The following GYG1 variants were observed in gnomAD, a reference collection of about 807,000 sequenced individuals.
GYG1 encodes glycogenin 1, also known as glycogenin-1.
In GYG1, 44 loss-of-function variants were observed where a neutral mutation model predicts 41.9. That is an observed-to-expected ratio of 1.05 (90% CI 0.83 to 1.35). The LOEUF (loss-of-function observed/expected upper bound fraction) is 1.35. GYG1 is among the 40% of genes most tolerant of loss of function. The probability of loss-of-function intolerance (pLI) is 0.00; values close to 1 mark genes in which losing one functional copy is unlikely to be tolerated. For missense variants in GYG1, 429 were observed against 418.9 expected (o/e 1.02, Z -0.21); for synonymous variants, 141 against 158.1 (o/e 0.89, Z 0.81).
chr3:149,018,787 G>C (rs1412620651), intron 5 of GYG1, among the ~76,000 whole-genome samples: 1 of 152,092 alleles, frequency 6.6e-6, no homozygotes, highest in Non-Finnish European at 1.5e-5. Context: ...GTCAGGCCGG[G>C]CCCGTAATGT....
intron 4 of GYG1, among the ~76,000 whole-genome samples, chr3:148,998,916 G>A (rs1712952398): frequency 6.6e-6 from 1 of 152,178 alleles, no homozygotes; most frequent in South Asian, 2.1e-4. Flanking sequence ...GAAATTCGGT[G>A]TAACTCTTTT....
intron 5 of GYG1, among the ~76,000 whole-genome samples, chr3:149,021,569 A>G (rs1714376458): frequency 6.6e-6 from 1 of 152,168 alleles, no homozygotes; most frequent in Non-Finnish European, 1.5e-5. Flanking sequence ...CCTTAGAGGT[A>G]AAACCATGTC....
Position 148,992,736 on chromosome 3 carries a change from A to G in GYG1, c.7+1089A>G, listed in dbSNP as rs190061238. On this transcript the variant is annotated intron_variant, in intron 1 of 7. Coordinates refer to ENST00000345003, the MANE Select transcript of GYG1 (RefSeq NM_004130.4). ...ACAGGCGGATGTTGATGGGCCTGTC[A>G]AGGGACAGGTGCCACTGTTCAGAGC... 71 of 152,364 alleles carry G rather than the reference A, an allele frequency of 4.7e-4. 1 individual carries two copies. The East Asian group carries it at 8.3e-3, about 18-fold the overall frequency. The allele number at this position is 152,364 out of a possible 1,614,324, so 9.4% of individuals were successfully genotyped here.
At chr3:149,015,821 T>C (rs1455577743) in intron 5 of GYG1, among the ~76,000 whole-genome samples, 1 of 152,000 alleles carries the variant, frequency 6.6e-6, no homozygotes, top group African/African-American at 2.4e-5. Context: ...TAAAGATAGA[T>C]GTCACCACAG....
chr3:149,005,694 C>G (rs1233427248), intron 4 of GYG1, among the ~76,000 whole-genome samples: 1 of 152,172 alleles, frequency 6.6e-6, no homozygotes, highest in Non-Finnish European at 1.5e-5. Context: ...AATCTCTGTT[C>G]TTGTGGAATT....
chr3:149,000,730 T>G (rs1204293234), intron 4 of GYG1, among the ~76,000 whole-genome samples: 1 of 152,238 alleles, frequency 6.6e-6, no homozygotes, highest in Non-Finnish European at 1.5e-5. Context: ...AAAAACATCT[T>G]ATACTCATTT....
chr3:149,022,481 CT>C (rs1233728338), intron 5 of GYG1, among the ~76,000 whole-genome samples: 4 of 92,492 alleles, frequency 4.3e-5, no homozygotes, highest in East Asian at 3.4e-4. Flanking sequence ...TAAACAGTAC[CT>C]TTTTTCTTGT....
Position 149,009,323 on chromosome 3 carries a change from A to G in GYG1, c.529A>G (p.Thr177Ala), listed in dbSNP as rs767717284. 3.1e-6 allele frequency: 5 copies of G among 1,613,268 alleles called. No homozygotes were observed. In the South Asian group the frequency reaches 4.4e-5, roughly 14 times the overall value. ...LNTFFSSWATTDIRKHLPFIY... is the reference protein window; with the variant it reads ...LNTFFSSWATADIRKHLPFIY... Reference sequence around the variant, plus strand: ...CACATTTTTTAGCAGCTGGGCAACAACAGATATCAGAAAACACCTGCCGTT... The same window carrying G: ...CACATTTTTTAGCAGCTGGGCAACAGCAGATATCAGAAAACACCTGCCGTT... Residue 177 changes from threonine to alanine, a missense_variant, in exon 5 of 8, where the codon ACA (threonine) becomes GCA (alanine). Transcript: ENST00000345003.
intron 2 of GYG1, 71 bp from the exon 3 acceptor site, chr3:148,996,231 A>T: frequency 9.8e-7 from 1 of 1,016,036 alleles, no homozygotes; most frequent in Non-Finnish European, 1.6e-6. Flanking sequence ...ATAAAGCATC[A>T]GTCTTACAGC....
chr3:148,999,563 T>C (rs1283736505), intron 4 of GYG1, among the ~76,000 whole-genome samples: 1 of 152,216 alleles, frequency 6.6e-6, no homozygotes, highest in Non-Finnish European at 1.5e-5. Flanking sequence ...CTTGAATCAA[T>C]GTGTGAACTG....
At chr3:148,999,236 G>C (rs1442755059) in intron 4 of GYG1, among the ~76,000 whole-genome samples, 1 of 152,222 alleles carries the variant, frequency 6.6e-6, no homozygotes, top group African/African-American at 2.4e-5. Context: ...GATTCTGTCT[G>C]TGCCTCTAGC....
chr3:149,018,470 A>T (rs533947355), intron 5 of GYG1, among the ~76,000 whole-genome samples: 50 of 152,208 alleles, frequency 3.3e-4, no homozygotes, highest in Non-Finnish European at 6.5e-4. Flanking sequence ...GTGCTGCCCT[A>T]GATGAGTTCT....
intron 1 of GYG1, among the ~76,000 whole-genome samples, chr3:148,993,433 T>C (rs1712602668): frequency 6.6e-6 from 1 of 152,114 alleles, no homozygotes; most frequent in African/African-American, 2.4e-5. Flanking sequence ...GATAACTATT[T>C]AGATAGAAGC....
chr3:148,995,901 G>A (rs933063915), intron 2 of GYG1, among the ~76,000 whole-genome samples: 1 of 152,156 alleles, frequency 6.6e-6, no homozygotes, highest in Non-Finnish European at 1.5e-5. Context: ...AGCGTGCTCA[G>A]CATGTAATAA....
At chr3:148,998,037 T>C (rs1344547451) in intron 4 of GYG1, among the ~76,000 whole-genome samples, 3 of 152,366 alleles carry the variant, frequency 2.0e-5, no homozygotes, top group East Asian at 1.9e-4. Flanking sequence ...TAAAAAAATA[T>C]TAAACTTTAA....
In GYG1 at chr3:149,031,671, G is replaced by T. The variant is rs1406838351; in HGVS notation, c.*4738G>T. 3 of 152,074 alleles carry T rather than the reference G, an allele frequency of 2.0e-5. No individual in the cohort carries two copies. The highest frequency in any genetic ancestry group is 4.4e-5 in the Non-Finnish European group (3 of 67,994). 9.4% of individuals were successfully genotyped at this position (152,074 alleles called of 1,614,324 possible). On this transcript the variant is annotated 3_prime_UTR_variant, in exon 8 of 8. Transcript: ENST00000345003. ...TGAACTATATCTCAATGTAGCTGTAGGAAAAATAAAAACCTGTGCTAACCT... is the reference window on the plus strand; with the variant it reads ...TGAACTATATCTCAATGTAGCTGTATGAAAAATAAAAACCTGTGCTAACCT...
At chr3:149,025,604 T>G (rs1250797602) in intron 6 of GYG1, among the ~76,000 whole-genome samples, 1 of 152,196 alleles carries the variant, frequency 6.6e-6, no homozygotes, top group Non-Finnish European at 1.5e-5. Context: ...TTGTTAAGTA[T>G]ATTAAGTATT....
intron 1 of GYG1, among the ~76,000 whole-genome samples, chr3:148,992,013 G>A (rs765463253): frequency 8.5e-4 from 129 of 151,952 alleles, no homozygotes; most frequent in Non-Finnish European, 1.4e-3. Flanking sequence ...GGGAGTCCGG[G>A]GCGCAGCGGC....
intron 4 of GYG1, among the ~76,000 whole-genome samples, chr3:149,006,674 T>C (rs1487582159): frequency 6.6e-6 from 1 of 152,202 alleles, no homozygotes; most frequent in Non-Finnish European, 1.5e-5. Context: ...TTTGTACCAT[T>C]ATGAACAAAG....
Sources: allele counts gnomAD v4.1 joint callset (sites outside exome capture counted in the v4.1 genomes callset), GRCh38; gene constraint gnomAD v4.1.1; transcripts MANE v1.5; gene names NCBI Gene and HGNC (gene_info 2026-07-23, HGNC 2026-07-21).